The following RSRC1 variants were observed in gnomAD, a reference collection of about 807,000 sequenced individuals.
RSRC1 encodes serine/Arginine-related protein 53.
A neutral mutation model predicts 49.1 loss-of-function variants in RSRC1; 39 were observed. The observed-to-expected ratio is 0.79, with a 90% confidence interval of 0.61 to 1.04. The LOEUF is 1.04. Among genes scored for constraint, RSRC1 ranks in the 50% least tolerant of loss-of-function variants. The pLI, the probability that RSRC1 is intolerant of heterozygous loss-of-function variation, is 0.00. For missense variants in RSRC1, 388 were observed against 402.4 expected (o/e 0.96, Z 0.31); for synonymous variants, 143 against 130.8 (o/e 1.09, Z -0.63).
intron 3 of RSRC1, among the ~76,000 whole-genome samples, chr3:158,135,006 T>C (rs1426211004): frequency 6.6e-6 from 1 of 152,160 alleles, no homozygotes; most frequent in African/African-American, 2.4e-5. Flanking sequence ...TTGATAATTT[T>C]TTTCTAGCTT....
chr3:158,247,418 G>A (rs1164009573), intron 4 of RSRC1, among the ~76,000 whole-genome samples: 4 of 152,166 alleles, frequency 2.6e-5, no homozygotes, highest in African/African-American at 4.8e-5. Context: ...CTGGAGAAAT[G>A]CTGTGGTCAT....
intron 3 of RSRC1, among the ~76,000 whole-genome samples, chr3:158,131,627 C>CATG (rs1391843432): frequency 6.6e-6 from 1 of 152,124 alleles, no homozygotes; most frequent in African/African-American, 2.4e-5. Context: ...GGTTCTTTTG[C>CATG]ATGAATATTT....
At chr3:158,124,727 C>T (rs931956313) in intron 3 of RSRC1, among the ~76,000 whole-genome samples, 1 of 151,862 alleles carries the variant, frequency 6.6e-6, no homozygotes, top group Non-Finnish European at 1.5e-5. Flanking sequence ...CTTTTATAAT[C>T]CTTTCAATGT....
chr3:158,132,102 A>C (rs889440615), intron 3 of RSRC1: 1 of 440,908 alleles, frequency 2.3e-6, no homozygotes. Context: ...TCCTACCTCA[A>C]CCTCCTGGGT....
At chr3:158,478,948 C>CAAAAAAAAAAAAAAAAAAAAA (rs10603914) in intron 7 of RSRC1, among the ~76,000 whole-genome samples, 1 of 112,288 alleles carries the variant, frequency 8.9e-6, no homozygotes, top group African/African-American at 3.1e-5. Flanking sequence ...GGAGAAAAAG[C>CAAAAAAAAAAAAAAAAAAAAA]AAAAAAAAAA....
chr3:158,254,712 G>A (rs983341146), intron 4 of RSRC1, among the ~76,000 whole-genome samples: 4 of 151,964 alleles, frequency 2.6e-5, no homozygotes, highest in Non-Finnish European at 5.9e-5. Context: ...GATTACAGGT[G>A]TGAGTGACCG....
chr3:158,163,086 C>A (rs1025227170), intron 3 of RSRC1, among the ~76,000 whole-genome samples: 3 of 152,184 alleles, frequency 2.0e-5, no homozygotes, highest in African/African-American at 7.2e-5. Flanking sequence ...TCACTGTAAC[C>A]TTCATCTCAT....
intron 3 of RSRC1, among the ~76,000 whole-genome samples, chr3:158,200,394 A>G (rs1163339235): frequency 6.6e-6 from 1 of 152,172 alleles, no homozygotes; most frequent in East Asian, 1.9e-4. Flanking sequence ...TATTTTGTAG[A>G]TAGCATGTAG....
chr3:158,114,253 A>C (rs1578095185), intron 1 of RSRC1, among the ~76,000 whole-genome samples: 2 of 152,186 alleles, frequency 1.3e-5, no homozygotes, highest in Non-Finnish European at 2.9e-5. Flanking sequence ...TTAAATAGGG[A>C]GTCCTTTCCT....
At chr3:158,491,528 A>C (rs1172825558) in intron 7 of RSRC1, among the ~76,000 whole-genome samples, 1 of 152,188 alleles carries the variant, frequency 6.6e-6, no homozygotes, top group Non-Finnish European at 1.5e-5. Flanking sequence ...AAGAATGTTA[A>C]GGCTTTCGGT....
intron 8 of RSRC1, among the ~76,000 whole-genome samples, chr3:158,541,175 T>G (rs1237467233): frequency 6.6e-6 from 1 of 152,138 alleles, no homozygotes; most frequent in Non-Finnish European, 1.5e-5. Context: ...GATCTTTGTC[T>G]TTTCCCTCTG....
At chr3:158,211,565 C>T (rs1266306634) in intron 4 of RSRC1, among the ~76,000 whole-genome samples, 2 of 151,912 alleles carry the variant, frequency 1.3e-5, no homozygotes, top group Non-Finnish European at 2.9e-5. Flanking sequence ...ATTTGCATTG[C>T]TATCAATTAT....
chr3:158,423,659 ACCTTGGGCAGTATGGCCATTTT>A (rs1352024667), intron 6 of RSRC1, among the ~76,000 whole-genome samples: 8 of 152,114 alleles, frequency 5.3e-5, no homozygotes, highest in Non-Finnish European at 1.2e-4. Flanking sequence ...TCTGTAAATT[ACCTTGGGCAGTATGGCCATTTT>A]CACGATATTG....
rs1280781365 is a variant in RSRC1 at position 158,445,044 on chromosome 3, A to G, written c.584-15891A>G. Among the ~76,000 whole-genome samples, 3 of 152,314 alleles carry G rather than the reference A, an allele frequency of 2.0e-5. No homozygotes were observed. In the East Asian group the frequency reaches 5.8e-4, roughly 29 times the overall value. On this transcript the variant is annotated intron_variant, in intron 6 of 9. Coordinates refer to ENST00000611884, the MANE Select transcript of RSRC1 (RefSeq NM_001271838.2). ...GATGTGGAGAAATAGGAACACTTTT[A>G]CACTGTTGGTGGGACTGTAAACTAG...
intron 4 of RSRC1, among the ~76,000 whole-genome samples, chr3:158,239,770 A>G (rs1160926754): frequency 6.6e-6 from 1 of 152,154 alleles, no homozygotes; most frequent in African/African-American, 2.4e-5. Flanking sequence ...AATTTCTTCT[A>G]TATTCTGGGT....
At chr3:158,283,370 G>C (rs1272905317) in intron 4 of RSRC1, among the ~76,000 whole-genome samples, 1 of 151,330 alleles carries the variant, frequency 6.6e-6, no homozygotes, top group East Asian at 1.9e-4. Context: ...CAATTAGAAT[G>C]AACAAAAAAA....
At chr3:158,210,283 A>G (rs905345983) in intron 4 of RSRC1, among the ~76,000 whole-genome samples, 1 of 152,054 alleles carries the variant, frequency 6.6e-6, no homozygotes, top group Non-Finnish European at 1.5e-5. Flanking sequence ...TTTTCATTAA[A>G]CATTTATCAC....
chr3:158,505,541 C>T (rs1037625237), intron 7 of RSRC1, among the ~76,000 whole-genome samples: 1 of 152,032 alleles, frequency 6.6e-6, no homozygotes, highest in Non-Finnish European at 1.5e-5. Flanking sequence ...AATAAATGCT[C>T]AGTAGAGCTT....
At chr3:158,363,656 A>G (rs1578389596) in intron 6 of RSRC1, among the ~76,000 whole-genome samples, 2 of 152,226 alleles carry the variant, frequency 1.3e-5, no homozygotes, top group African/African-American at 2.4e-5. Flanking sequence ...ACCTTATTCT[A>G]TAAGACTTCC....
Sources: gnomAD v4.1 joint callset for allele counts (sites outside exome capture counted in the v4.1 genomes callset) on GRCh38, gnomAD v4.1.1 for gene constraint, MANE v1.5 for transcripts, NCBI Gene and HGNC (gene_info 2026-07-23, HGNC 2026-07-21) for gene names.